Variants in PCDHGB1 observed in about 807,000 individuals in gnomAD.
PCDHGB1 encodes the protein protocadherin gamma-B1.
A neutral mutation model predicts 56.6 loss-of-function variants in PCDHGB1; 34 were observed. The ratio of observed to expected loss-of-function variants is 0.60; its 90% CI spans 0.46 to 0.80. PCDHGB1 has a LOEUF of 0.80. Among genes scored for constraint, PCDHGB1 ranks in the 30% least tolerant of loss-of-function variants. The probability of loss-of-function intolerance (pLI) is 0.00; values close to 1 mark genes in which losing one functional copy is unlikely to be tolerated. For synonymous variants in PCDHGB1, 561 were observed against 505.9 expected, an observed-to-expected ratio of 1.11 and a Z score of -1.46; for missense variants, 1,278 against 1,204.6, an observed-to-expected ratio of 1.06 and a Z score of -0.90.
intron 1 of PCDHGB1, chr5:141,429,155 G>A (rs115622025): frequency 0.044 from 6,389 of 145,752 alleles, 216 homozygotes; most frequent in African/African-American, 0.099. Flanking sequence ...CACCCGGCCC[G>A]GAGACATTGT....
intron 2 of PCDHGB1, among the ~76,000 whole-genome samples, chr5:141,500,281 T>A (rs1254933339): frequency 2.0e-5 from 3 of 151,934 alleles, no homozygotes; most frequent in Non-Finnish European, 4.4e-5. Context: ...CAATCTCGGC[T>A]CACTGCAAGC....
Position 141,510,968 on chromosome 5 carries a change from C to A in PCDHGB1, c.2579C>A (p.Thr860Asn). 1 of 1,614,150 alleles carries A rather than the reference C, an allele frequency of 6.2e-7. No individual in the cohort carries two copies. The highest frequency in any genetic ancestry group is 8.5e-7 in the Non-Finnish European group (1 of 1,180,014). The change falls in exon 4 of 4, where the codon ACC becomes AAC. Residue 860 changes from threonine (T) to asparagine (N), a missense_variant. Transcript: ENST00000523390. ...SASEAADGSS[T>N]LGGGAGTMGL... ...GCAGAAGCTGCTGATGGGAGCTCCA[C>A]CCTGGGAGGGGGTGCCGGCACCATG...
intron 2 of PCDHGB1, among the ~76,000 whole-genome samples, chr5:141,497,290 C>A (rs182104163): frequency 4.7e-4 from 72 of 152,184 alleles, no homozygotes; most frequent in Middle Eastern, 3.4e-3. Flanking sequence ...CTCTACCTAC[C>A]ACCACCCCAG....
intron 1 of PCDHGB1, chr5:141,373,875 AAATC>A (rs3840507): frequency 0.061 from 29,734 of 483,624 alleles, 1,189 homozygotes; most frequent in African/African-American, 0.14. Context: ...CTGGGCAAGA[AAATC>A]AACGGAAACT....
In PCDHGB1 at chr5:141,361,401, C is replaced by T; in HGVS notation, c.2409+8732C>T. ...AGATCCCAGAATACAATCTCACCAT[C>T]ACAGCCACCGACGGGGGCAAGCCGC... On this transcript the variant is annotated intron_variant, in intron 1 of 3. Transcript: ENST00000523390. 5 of 1,614,008 alleles carry T rather than the reference C, an allele frequency of 3.1e-6. No homozygotes were observed. In the South Asian group the frequency reaches 4.4e-5, roughly 14 times the overall value.
chr5:141,412,093 GCA>G (rs1252719565), intron 1 of PCDHGB1: 2 of 152,146 alleles, frequency 1.3e-5, no homozygotes, highest in Non-Finnish European at 2.9e-5. Flanking sequence ...GGGTTGATGG[GCA>G]CACACAGTTG....
chr5:141,452,278 T>C (rs1047687328), intron 1 of PCDHGB1, among the ~76,000 whole-genome samples: 1 of 152,226 alleles, frequency 6.6e-6, no homozygotes, highest in African/African-American at 2.4e-5. Context: ...AACCCTTTCT[T>C]ACTTTCTGAT....
At chr5:141,415,476 G>C in intron 1 of PCDHGB1, 1 of 1,614,194 alleles carries the variant, frequency 6.2e-7, no homozygotes, top group Non-Finnish European at 8.5e-7. Context: ...CCGCGGACTC[G>C]CGAAAGAGTC....
At chr5:141,399,833 C>A in intron 1 of PCDHGB1, 1 of 1,613,140 alleles carries the variant, frequency 6.2e-7, no homozygotes, top group Non-Finnish European at 8.5e-7. Context: ...GACGGCTCTG[C>A]GCTCTTCGAT....
chr5:141,434,714 G>A (rs1333237898), intron 1 of PCDHGB1, among the ~76,000 whole-genome samples: 1 of 151,564 alleles, frequency 6.6e-6, no homozygotes, highest in Non-Finnish European at 1.5e-5. Context: ...GTAAATCTCT[G>A]TTCAGGGCTC....
In PCDHGB1 at chr5:141,431,643, A is replaced by G. The variant is rs528599572; in HGVS notation, c.2410-63164A>G. Reference sequence around the variant, plus strand: ...AAGGCGGCCCAAGTTTTCAAACTAGATTGTAATTCAGGGACAATATCAACA... The same window carrying G: ...AAGGCGGCCCAAGTTTTCAAACTAGGTTGTAATTCAGGGACAATATCAACA... On this transcript the variant is annotated intron_variant, in intron 1 of 3. Coordinates refer to ENST00000523390, the MANE Select transcript of PCDHGB1 (RefSeq NM_018922.3). The surrounding 1 kb of genome is among the most constrained non-coding windows in gnomAD (Gnocchi z 4.8). 5.0e-5 allele frequency: 81 copies of G among 1,614,240 alleles called. No individual in the cohort carries two copies. In the South Asian group the frequency reaches 7.4e-4, roughly 15 times the overall value.
At chr5:141,394,667 G>T in intron 1 of PCDHGB1, 2 of 1,613,252 alleles carry the variant, frequency 1.2e-6, no homozygotes, top group East Asian at 2.2e-5. Flanking sequence ...GACTCTTCTC[G>T]GTGGGTCTGC....
Position 141,432,433 on chromosome 5 carries a change from T to C in PCDHGB1, c.2410-62374T>C, listed in dbSNP as rs760107558. 10 of 1,613,996 alleles carry C rather than the reference T, an allele frequency of 6.2e-6. No individual in the cohort carries two copies. The South Asian group carries it at 8.8e-5, about 14-fold the overall frequency. ...TGTTCGTGCTGGACCAGAACGACAA[T>C]GCGCCCGAGATCCTGTACCCCGCCC... On this transcript the variant is annotated intron_variant, in intron 1 of 3. Transcript: ENST00000523390. This position sits in a 1 kb window ranked among gnomAD's most constrained non-coding sequence, Gnocchi z 6.0.
chr5:141,420,975 G>A, intron 1 of PCDHGB1: 2 of 458,946 alleles, frequency 4.4e-6, no homozygotes, highest in South Asian at 4.2e-5. Context: ...TAATAAGAAT[G>A]GGCTCTAGGC....
At chr5:141,437,035 C>T (rs991186972) in intron 1 of PCDHGB1, among the ~76,000 whole-genome samples, 1 of 152,120 alleles carries the variant, frequency 6.6e-6, no homozygotes, top group Non-Finnish European at 1.5e-5. Context: ...AATGGATCAC[C>T]GAAACCAGAA....
Position 141,487,931 on chromosome 5 carries a change from G to A in PCDHGB1, c.2410-6876G>A. The stretch of plus-strand genomic sequence containing the variant: ...AGCACAGGAGGCTACAGTGCACAGG[G>A]TACAGTGCACCAGGCAGTCACTTGG... On this transcript the variant is annotated intron_variant, in intron 1 of 3. Transcript: ENST00000523390. The surrounding 1 kb of genome is among the most constrained non-coding windows in gnomAD (Gnocchi z 5.0). The A allele has an allele frequency of 1.6e-6, 1 of 612,954 alleles. No homozygotes were observed. The highest frequency in any genetic ancestry group is 2.8e-6 in the Non-Finnish European group (1 of 351,318). 38.0% of individuals were successfully genotyped at this position (612,954 alleles called of 1,614,324 possible). A position where few individuals can be genotyped will look rare whatever the true frequency, so the allele number is the denominator to read the frequency against.
Position 141,431,334 on chromosome 5 carries a change from C to G in PCDHGB1, c.2410-63473C>G, listed in dbSNP as rs775651426. ...AATGGAGCCGACGGTAGTAAGTACC[C>G]CGAATTGGTGCTGAAACGCGCCCTG... On this transcript the variant is annotated intron_variant, in intron 1 of 3. Transcript: ENST00000523390. This position sits in a 1 kb window ranked among gnomAD's most constrained non-coding sequence, Gnocchi z 4.8. 1.9e-6 allele frequency: 3 copies of G among 1,614,118 alleles called. No individual in the cohort carries two copies. The South Asian group carries it at 3.3e-5, about 18-fold the overall frequency.
In PCDHGB1 at chr5:141,494,863, C is replaced by A. The variant is rs538734954; in HGVS notation, c.2466C>A (p.Ser822Arg). 17 of 1,614,118 alleles carry A rather than the reference C, an allele frequency of 1.1e-5. No individual in the cohort carries two copies. Among genetic ancestry groups the A allele is most frequent in the Non-Finnish European group, 1.4e-5 (17 of 1,179,994 alleles). Residue 822 changes from serine to arginine, a missense_variant and splice_region_variant, in exon 2 of 4, where the codon AGC becomes AGA. By Grantham distance (110) the Ser-to-Arg change is moderately radical. Transcript: ENST00000523390. ...RFSQAQRPGT[S>R]GSQNGDDTGT... ...CTCAGGCCCAGAGACCCGGCACCAG[C>A]GGGTAGGTGACTGATTCTCCAGCCC...
At chr5:141,496,178 C>T (rs1481326898) in intron 2 of PCDHGB1, among the ~76,000 whole-genome samples, 2 of 152,080 alleles carry the variant, frequency 1.3e-5, no homozygotes, top group Admixed American at 1.3e-4. Flanking sequence ...CCCATCCAAG[C>T]AGCCCCAGCT....
Sources: allele counts gnomAD v4.1 joint callset (sites outside exome capture counted in the v4.1 genomes callset), GRCh38; gene constraint gnomAD v4.1.1; non-coding constraint Gnocchi (gnomAD v3.1); transcripts MANE v1.5; gene names NCBI Gene and HGNC (gene_info 2026-07-23, HGNC 2026-07-21).